The following ITPR1 variants were observed in gnomAD, a reference collection of about 807,000 sequenced individuals.
ITPR1 encodes inositol 1,4,5-trisphosphate receptor type 1, also known as inositol 1,4,5-trisphosphate-gated calcium channel ITPR1.
ITPR1 carries 96 observed loss-of-function variants against 318.4 expected under a neutral mutation model. The ratio of observed to expected loss-of-function variants is 0.30; its 90% CI spans 0.26 to 0.36. ITPR1 has a LOEUF of 0.36. Ranked by LOEUF, ITPR1 falls within the 10% of genes least tolerant of loss-of-function variation. The probability of loss-of-function intolerance (pLI) is 1.00; values close to 1 mark genes in which losing one functional copy is unlikely to be tolerated. For missense variants in ITPR1, 2,440 were observed against 3,460.2 expected (o/e 0.71, Z 7.40); for synonymous variants, 1,312 against 1,289.9 (o/e 1.02, Z -0.37).
rs2051780403 is a variant in ITPR1, at chr3:4,846,361, T to C, written c.*136T>C. The C allele has an allele frequency of 2.0e-6, 1 of 489,774 alleles. No homozygotes were observed. 30.3% of individuals were successfully genotyped at this position (489,774 alleles called of 1,614,324 possible). Reference sequence around the variant, plus strand: ...TAAATACTCAGTTTTATACTGTATGTATATGATTGCTACTCTAAAGGTTTG... The same window carrying C: ...TAAATACTCAGTTTTATACTGTATGCATATGATTGCTACTCTAAAGGTTTG... On this transcript the variant is annotated 3_prime_UTR_variant, in exon 62 of 62. Coordinates refer to ENST00000649015, the MANE Select transcript of ITPR1 (RefSeq NM_001378452.1).
chr3:4,774,589 T>G (rs1053135503), intron 46 of ITPR1, among the ~76,000 whole-genome samples: 4 of 152,350 alleles, frequency 2.6e-5, no homozygotes, highest in South Asian at 4.1e-4. Flanking sequence ...GCTTTTTAAA[T>G]TTTGTTGAGG....
chr3:4,560,106 T>C (rs2086526846), intron 4 of ITPR1, among the ~76,000 whole-genome samples: 1 of 152,220 alleles, frequency 6.6e-6, no homozygotes, highest in African/African-American at 2.4e-5. Context: ...GTTTCCTATT[T>C]GAAAAGACCT....
At chr3:4,647,815 T>A (rs533227665) in intron 10 of ITPR1, among the ~76,000 whole-genome samples, 1 of 152,170 alleles carries the variant, frequency 6.6e-6, no homozygotes, top group Non-Finnish European at 1.5e-5. Flanking sequence ...AGTTTGCCCA[T>A]TTAAAAAAAT....
intron 39 of ITPR1, among the ~76,000 whole-genome samples, chr3:4,713,718 A>G (rs993453862): frequency 3.3e-5 from 5 of 152,226 alleles, no homozygotes; most frequent in Non-Finnish European, 5.9e-5. Context: ...AGTAAATTAT[A>G]TCACAGTTTT....
intron 12 of ITPR1, among the ~76,000 whole-genome samples, chr3:4,657,043 C>T (rs1237473957): frequency 6.6e-6 from 1 of 152,188 alleles, no homozygotes; most frequent in Non-Finnish European, 1.5e-5. Context: ...CCTCAGCCTT[C>T]GCTATCAGAG....
chr3:4,658,314 G>A, intron 13 of ITPR1, 36 bp downstream of exon 13: 8 of 1,580,864 alleles, frequency 5.1e-6, no homozygotes, highest in South Asian at 1.1e-5. Flanking sequence ...CAAAGAATCA[G>A]GCCTGGTGTA....
intron 44 of ITPR1, among the ~76,000 whole-genome samples, chr3:4,765,498 A>G (rs188826655): frequency 2.3e-3 from 354 of 152,164 alleles, no homozygotes; most frequent in Middle Eastern, 3.4e-3. Context: ...TATGGGTGAG[A>G]GTTTTAAGAG....
In ITPR1 at chr3:4,826,167, G is replaced by A. The variant is rs1000040620; in HGVS notation, c.8028+7925G>A. Among the ~76,000 whole-genome samples, 3 of 152,250 alleles carry A rather than the reference G, an allele frequency of 2.0e-5. No homozygotes were observed. The highest frequency in any genetic ancestry group is 7.2e-5 in the African/African-American group (3 of 41,470). ...AAGTGCCGTGGACACCTTCTGCTTC[G>A]TGCAGATGCACGATGATGGGTTTGG... On this transcript the variant is annotated intron_variant, in intron 60 of 61. Transcript: ENST00000649015. This position sits in a 1 kb window ranked among gnomAD's most constrained non-coding sequence, Gnocchi z 4.2.
In ITPR1 at chr3:4,683,558, C is replaced by G; in HGVS notation, c.3327+7C>G. The G allele has an allele frequency of 6.2e-7, 1 of 1,613,720 alleles. No homozygotes were observed. The highest frequency in any genetic ancestry group is 8.5e-7 in the Non-Finnish European group (1 of 1,179,614). On this transcript the variant is annotated splice_region_variant and intron_variant, in intron 27 of 61. Transcript: ENST00000649015. ...GCTCCAGGCCTTCAAACAGGTAGCT[C>G]AGGTCACCCACGTGTGTGTTGTCTG...
chr3:4,648,370 G>C (rs1052627458), intron 10 of ITPR1, among the ~76,000 whole-genome samples: 2 of 152,110 alleles, frequency 1.3e-5, no homozygotes, highest in African/African-American at 2.4e-5. Flanking sequence ...AGAGACGTCA[G>C]AATGAAATAT....
At chr3:4,665,398 G>T (rs1575990394) in intron 17 of ITPR1, 102 bp downstream of exon 17, 4 of 1,094,022 alleles carry the variant, frequency 3.7e-6, no homozygotes, top group Non-Finnish European at 5.3e-6. Flanking sequence ...TTATAGAATG[G>T]ATGCAGAATA....
chr3:4,501,252 C>T (rs997516943), intron 2 of ITPR1, among the ~76,000 whole-genome samples: 103 of 151,824 alleles, frequency 6.8e-4, no homozygotes, highest in Non-Finnish European at 2.6e-4. Context: ...TATGTTGCAA[C>T]AAAATTCTTT....
intron 4 of ITPR1, among the ~76,000 whole-genome samples, chr3:4,590,390 A>G (rs983591405): frequency 1.3e-5 from 2 of 151,648 alleles, no homozygotes; most frequent in African/African-American, 4.8e-5. Flanking sequence ...GATGAATGAG[A>G]GTAGTCAGTG....
At chr3:4,695,360 C>T (rs1281744142) in intron 33 of ITPR1, among the ~76,000 whole-genome samples, 1 of 152,080 alleles carries the variant, frequency 6.6e-6, no homozygotes, top group Non-Finnish European at 1.5e-5. Context: ...ATGAGAGAAG[C>T]GTCGTGTTAT....
intron 33 of ITPR1, among the ~76,000 whole-genome samples, chr3:4,694,797 C>T (rs975694925): frequency 6.6e-6 from 1 of 152,202 alleles, no homozygotes; most frequent in Non-Finnish European, 1.5e-5. Flanking sequence ...TAGTCAGTAC[C>T]TGACCATACT....
chr3:4,641,575 T>C (rs1363096548), intron 6 of ITPR1, among the ~76,000 whole-genome samples: 7 of 152,208 alleles, frequency 4.6e-5, no homozygotes. Context: ...AAGATCTCCC[T>C]GTGTCGCCCA....
At chr3:4,832,370 T>G (rs1260326875) in intron 60 of ITPR1, among the ~76,000 whole-genome samples, 1 of 152,236 alleles carries the variant, frequency 6.6e-6, no homozygotes, top group African/African-American at 2.4e-5. Context: ...GCACAAAGTA[T>G]GACCTTCTTT....
intron 2 of ITPR1, among the ~76,000 whole-genome samples, chr3:4,503,635 C>T (rs1038959295): frequency 6.6e-6 from 1 of 152,042 alleles, no homozygotes; most frequent in African/African-American, 2.4e-5. Flanking sequence ...GTGCTACTGG[C>T]ATTTTGTGAA....
intron 40 of ITPR1, among the ~76,000 whole-genome samples, chr3:4,725,332 G>A (rs571322055): frequency 1.3e-5 from 2 of 151,900 alleles, no homozygotes; most frequent in African/African-American, 4.8e-5. Context: ...ATCGCAGGTC[G>A]ATTGTCTCCT....
Sources: gnomAD v4.1 joint callset for allele counts (sites outside exome capture counted in the v4.1 genomes callset) on GRCh38, gnomAD v4.1.1 for gene constraint, Gnocchi (gnomAD v3.1) non-coding constraint, MANE v1.5 for transcripts, NCBI Gene and HGNC (gene_info 2026-07-23, HGNC 2026-07-21) for gene names.